The following HPSE2 variants were observed in gnomAD, a reference collection of about 807,000 sequenced individuals.
HPSE2 encodes the protein inactive heparanase-2.
Under a neutral mutation model 60.5 loss-of-function variants are expected in HPSE2, and 38 were observed. The observed-to-expected ratio is 0.63, with a 90% CI of 0.48 to 0.82. The LOEUF (loss-of-function observed/expected upper bound fraction) is 0.82. HPSE2 is among the 40% of genes least tolerant of loss of function. The pLI is 0.00. For synonymous variants in HPSE2, 295 were observed against 293.2 expected (o/e 1.01, Z -0.06); for missense variants, 713 against 740.4 (o/e 0.96, Z 0.43).
At chr10:98,815,671 C>T (rs915451939) in intron 3 of HPSE2, among the ~76,000 whole-genome samples, 4 of 152,088 alleles carry the variant, frequency 2.6e-5, no homozygotes, top group Non-Finnish European at 4.4e-5. Context: ...GGGGTTCCAA[C>T]TAGGATTGAG....
At chr10:98,726,630 TATAATAATAATAATA>T (rs35016961) in intron 4 of HPSE2, among the ~76,000 whole-genome samples, 39 of 143,614 alleles carry the variant, frequency 2.7e-4, no homozygotes, top group African/African-American at 7.9e-4. Context: ...AAACTTAAAG[TATAATAATAATAATA>T]ATAATAATAA....
chr10:98,473,484 C>CAAAA (rs752065277), intron 11 of HPSE2, among the ~76,000 whole-genome samples: 16 of 44,158 alleles, frequency 3.6e-4, no homozygotes, highest in East Asian at 8.2e-4. Flanking sequence ...GACTCTGTCT[C>CAAAA]AAAAAAAAAA....
At position 98,527,596 on chromosome 10, in the gene HPSE2, T is replaced by A. The variant is rs140824814; in HGVS notation, c.1321-37400A>T. ...TCTTTACCTATTTAAAGTGGCCACTTCCCCAGAATTCTCCAATCCCTTATT... is the reference window on the plus strand; with the variant it reads ...TCTTTACCTATTTAAAGTGGCCACTACCCCAGAATTCTCCAATCCCTTATT... On this transcript the variant is annotated intron_variant, in intron 9 of 11. Coordinates refer to ENST00000370552, the MANE Select transcript of HPSE2 (RefSeq NM_021828.5). Among the ~76,000 whole-genome samples the A allele has an allele frequency of 1.6e-3, 243 of 152,250 alleles. 1 individual carries two copies. Among genetic ancestry groups the A allele is most frequent in the African/African-American group, 5.7e-3 (236 of 41,550 alleles).
At chr10:98,474,837 C>T (rs944953253) in intron 11 of HPSE2, among the ~76,000 whole-genome samples, 2 of 152,148 alleles carry the variant, frequency 1.3e-5, no homozygotes, top group Non-Finnish European at 2.9e-5. Flanking sequence ...AGGCTGCTTC[C>T]TGTTAGTTGT....
At chr10:98,997,910 G>A (rs1956686497) in intron 3 of HPSE2, among the ~76,000 whole-genome samples, 1 of 152,168 alleles carries the variant, frequency 6.6e-6, no homozygotes, top group South Asian at 2.1e-4. Flanking sequence ...GCACGATGTG[G>A]TTAACACATC....
chr10:98,543,146 A>C (rs1322876832), intron 9 of HPSE2, among the ~76,000 whole-genome samples: 1 of 152,232 alleles, frequency 6.6e-6, no homozygotes, highest in Non-Finnish European at 1.5e-5. Flanking sequence ...GAAACTCTAC[A>C]AGCCAGAAGA....
chr10:99,134,493 G>C (rs1472531271), intron 3 of HPSE2, among the ~76,000 whole-genome samples: 2 of 152,176 alleles, frequency 1.3e-5, no homozygotes, highest in African/African-American at 2.4e-5. Context: ...TACCCACAAA[G>C]GGAAGCCCAT....
intron 3 of HPSE2, among the ~76,000 whole-genome samples, chr10:98,844,071 G>A (rs987249716): frequency 6.6e-6 from 1 of 152,154 alleles, no homozygotes; most frequent in Non-Finnish European, 1.5e-5. Flanking sequence ...AATATTGAAC[G>A]TGATTCTACT....
intron 3 of HPSE2, among the ~76,000 whole-genome samples, chr10:98,856,131 A>G (rs772590471): frequency 6.6e-6 from 1 of 152,182 alleles, no homozygotes; most frequent in Admixed American, 6.5e-5. Flanking sequence ...GCAGACATAA[A>G]TACCACTTAA....
chr10:99,021,021 C>T (rs1262426824), intron 3 of HPSE2, among the ~76,000 whole-genome samples: 1 of 152,102 alleles, frequency 6.6e-6, no homozygotes. Context: ...ACAAGATGGT[C>T]CATTTATTCC....
chr10:98,634,282 C>G (rs563197626), intron 7 of HPSE2, among the ~76,000 whole-genome samples: 4 of 152,306 alleles, frequency 2.6e-5, no homozygotes, highest in African/African-American at 9.6e-5. Context: ...TATTGAGCAC[C>G]TGCTATGTGA....
At chr10:99,041,399 T>C (rs1322512415) in intron 3 of HPSE2, among the ~76,000 whole-genome samples, 5 of 152,088 alleles carry the variant, frequency 3.3e-5, no homozygotes, top group Admixed American at 2.6e-4. Context: ...GAAGGGTGAA[T>C]GAGTGAGAGC....
At chr10:98,706,772 G>A (rs1453583647) in intron 5 of HPSE2, among the ~76,000 whole-genome samples, 2 of 152,160 alleles carry the variant, frequency 1.3e-5, no homozygotes, top group African/African-American at 4.8e-5. Context: ...ACAAGTAAGG[G>A]AATGGCAGGA....
chr10:98,746,197 G>GAAATACATTTAATTGTTATTTTTAGTTCC (rs1554983757), intron 3 of HPSE2, among the ~76,000 whole-genome samples: 10 of 146,542 alleles, frequency 6.8e-5, no homozygotes, highest in Non-Finnish European at 1.4e-4. Context: ...TCACATTCAG[G>GAAATACATTTAATTGTTATTTTTAGTTCC]AAATACATTT....
intron 2 of HPSE2, among the ~76,000 whole-genome samples, chr10:99,187,411 A>G (rs552858124): frequency 6.6e-6 from 1 of 152,344 alleles, no homozygotes; most frequent in African/African-American, 2.4e-5. Context: ...GCATTTCATC[A>G]AAATTTAAAA....
chr10:99,104,107 T>A (rs1160596294), intron 3 of HPSE2, among the ~76,000 whole-genome samples: 1 of 152,090 alleles, frequency 6.6e-6, no homozygotes, highest in Non-Finnish European at 1.5e-5. Flanking sequence ...CCAAAAGCAA[T>A]GGTAACAAAA....
chr10:98,471,150 C>T (rs756665789), intron 11 of HPSE2, among the ~76,000 whole-genome samples: 47 of 152,280 alleles, frequency 3.1e-4, no homozygotes, highest in Non-Finnish European at 5.1e-4. Context: ...AATGGCATAG[C>T]GCCTGAATGA....
intron 6 of HPSE2, among the ~76,000 whole-genome samples, chr10:98,658,095 G>T (rs1029714290): frequency 1.3e-5 from 2 of 152,134 alleles, no homozygotes; most frequent in Non-Finnish European, 2.9e-5. Flanking sequence ...TTGAGGGTGG[G>T]GAGGATCAGA....
chr10:99,296,651 C>T, the HPSE2 span, among the ~76,000 whole-genome samples: 1 of 152,336 alleles, frequency 6.6e-6, no homozygotes, highest in South Asian at 2.1e-4. Context: ...AGCCAAGAAC[C>T]CTCCTGGGCT....
Sources: allele counts gnomAD v4.1 joint callset (sites outside exome capture counted in the v4.1 genomes callset), GRCh38; gene constraint gnomAD v4.1.1; transcripts MANE v1.5; gene names NCBI Gene and HGNC (gene_info 2026-07-23, HGNC 2026-07-21).